Variants in NNT observed in about 807,000 individuals in gnomAD.
NNT encodes the protein nicotinamide nucleotide transhydrogenase.
A neutral mutation model predicts 104.8 loss-of-function variants in NNT; 50 were observed. That is an observed-to-expected ratio of 0.48 (90% CI 0.38 to 0.60). The LOEUF (loss-of-function observed/expected upper bound fraction) is 0.60. NNT is among the 20% of genes least tolerant of loss of function. NNT has a pLI of 0.00. For missense variants in NNT, 1,131 were observed against 1,330.7 expected, an observed-to-expected ratio of 0.85 and a Z score of 2.33; for synonymous variants, 461 against 490.4, an observed-to-expected ratio of 0.94 and a Z score of 0.79.
At chr5:43,688,833 G>A (rs1028631731) in intron 19 of NNT, among the ~76,000 whole-genome samples, 25 of 152,070 alleles carry the variant, frequency 1.6e-4, no homozygotes, top group East Asian at 3.9e-4. Flanking sequence ...TTTTGCAATC[G>A]CAAATTGTGC....
chr5:43,631,470 G>A (rs1750673517), intron 7 of NNT, among the ~76,000 whole-genome samples: 1 of 152,162 alleles, frequency 6.6e-6, no homozygotes, highest in East Asian at 1.9e-4. Context: ...AGGCAGCTGC[G>A]CATTAGCGGG....
chr5:43,638,059 T>A (rs1255436051), intron 7 of NNT, among the ~76,000 whole-genome samples: 4 of 152,196 alleles, frequency 2.6e-5, no homozygotes, highest in Non-Finnish European at 5.9e-5. Context: ...CCTGTTCTCG[T>A]GATAGCGAGC....
rs1739859001 is a variant in NNT, at chr5:43,653,209, C to T, written c.2055C>T (p.Thr685=). 1.9e-6 allele frequency: 3 copies of T among 1,612,292 alleles called. No individual in the cohort carries two copies. The highest frequency in any genetic ancestry group is 2.5e-6 in the Non-Finnish European group (3 of 1,178,748). ...CTGGAGCGATGGCTTTGGGTGGTAC[C>T]ATTGGTAAGCACTTGTGGGCTTCTG... is the stretch of plus-strand genomic sequence containing the variant. ...QMSGAMALGG[T]IGLTIAKRIQ... Residue 685 remains threonine (T), a synonymous_variant, in exon 14 of 22, where the codon ACC becomes ACT. Coordinates refer to ENST00000344920, the MANE Select transcript of NNT (RefSeq NM_182977.3).
At chr5:43,663,368 C>T (rs986950521) in intron 17 of NNT, among the ~76,000 whole-genome samples, 2 of 152,142 alleles carry the variant, frequency 1.3e-5, no homozygotes, top group Non-Finnish European at 2.9e-5. Flanking sequence ...AAAGCTCTTA[C>T]TTGTGATGTG....
intron 21 of NNT, among the ~76,000 whole-genome samples, chr5:43,703,251 T>C (rs1290890956): frequency 3.9e-5 from 6 of 152,202 alleles, no homozygotes; most frequent in Non-Finnish European, 8.8e-5. Context: ...AAAAGCTAAT[T>C]GCTAGATTTT....
chr5:43,606,714 A>G (rs1749242739), intron 1 of NNT, among the ~76,000 whole-genome samples: 2 of 151,944 alleles, frequency 1.3e-5, no homozygotes, highest in African/African-American at 4.8e-5. Context: ...TCATTCTTTG[A>G]TCCTTCAAAG....
intron 7 of NNT, among the ~76,000 whole-genome samples, chr5:43,641,714 A>T (rs950289613): frequency 6.6e-6 from 1 of 152,174 alleles, no homozygotes; most frequent in African/African-American, 2.4e-5. Context: ...TAAAATTTTA[A>T]ACTTGTTATA....
intron 17 of NNT, among the ~76,000 whole-genome samples, chr5:43,659,801 T>C (rs923106508): frequency 3.3e-5 from 5 of 152,150 alleles, no homozygotes; most frequent in Non-Finnish European, 7.4e-5. Context: ...TTTGCATAAA[T>C]TTCCAAGACT....
chr5:43,602,753 G>A (rs1262613950), upstream of NNT: 3 of 152,304 alleles, frequency 2.0e-5, no homozygotes, highest in Non-Finnish European at 2.9e-5. Flanking sequence ...AGGAAAGGCA[G>A]GTACCCGGAG....
intron 21 of NNT, among the ~76,000 whole-genome samples, chr5:43,703,985 AAAT>A (rs1238929566): frequency 1.3e-5 from 2 of 152,198 alleles, no homozygotes; most frequent in Non-Finnish European, 2.9e-5. Flanking sequence ...ACTAAGAAGA[AAAT>A]AATTGTAATC....
At chr5:43,692,233 C>G (rs956073913) in intron 19 of NNT, among the ~76,000 whole-genome samples, 6 of 152,028 alleles carry the variant, frequency 3.9e-5, no homozygotes, top group African/African-American at 1.2e-4. Flanking sequence ...AGTAAGGGAA[C>G]AGGGGCAAAC....
chr5:43,625,874 T>A (rs1438618015), intron 6 of NNT, among the ~76,000 whole-genome samples: 4 of 151,242 alleles, frequency 2.6e-5, no homozygotes, highest in Admixed American at 2.0e-4. Flanking sequence ...AGATTTTTTT[T>A]ATGTGTTTCC....
intron 17 of NNT, among the ~76,000 whole-genome samples, chr5:43,660,982 T>A (rs910039377): frequency 1.3e-5 from 2 of 152,230 alleles, no homozygotes; most frequent in South Asian, 2.1e-4. Context: ...AACTCAGGAT[T>A]TTTCTTATGA....
chr5:43,631,022 G>A (rs1307214166), intron 7 of NNT, among the ~76,000 whole-genome samples: 1 of 152,122 alleles, frequency 6.6e-6, no homozygotes, highest in African/African-American at 2.4e-5. Context: ...GAATTGATTG[G>A]CATCAGATCT....
At chr5:43,625,970 C>T (rs967185010) in intron 6 of NNT, among the ~76,000 whole-genome samples, 1 of 152,004 alleles carries the variant, frequency 6.6e-6, no homozygotes, top group African/African-American at 2.4e-5. Flanking sequence ...TCTTTCCTTA[C>T]CTATAAATAT....
Position 43,650,566 on chromosome 5 carries a change from A to G in NNT, c.1696A>G (p.Ile566Val). 2 of 1,613,812 alleles carry G rather than the reference A, an allele frequency of 1.2e-6. No individual in the cohort carries two copies. Among genetic ancestry groups the G allele is most frequent in the Non-Finnish European group, 1.7e-6 (2 of 1,179,698 alleles). ...SQGLAALAAF[I>V]SSVNIAGGFL... ...GGGCCTTGCTGCTCTTGCTGCATTC[A>G]TATCCTCTGTCAACATTGCAGGTAT... Residue 566 changes from isoleucine to valine, a missense_variant, in exon 12 of 22, where the codon ATA becomes GTA. By Grantham distance (29) the Ile-to-Val change is conservative. Transcript: ENST00000344920.
chr5:43,697,170 G>C (rs1481972329), intron 19 of NNT, among the ~76,000 whole-genome samples: 1 of 152,124 alleles, frequency 6.6e-6, no homozygotes, highest in Non-Finnish European at 1.5e-5. Flanking sequence ...ACCCACGTCA[G>C]CTCTTGAATG....
chr5:43,654,150 T>C (rs565244396), intron 14 of NNT, among the ~76,000 whole-genome samples: 1 of 152,256 alleles, frequency 6.6e-6, no homozygotes, highest in Admixed American at 6.5e-5. Flanking sequence ...ATTGTATGTG[T>C]ATAGAAGAAA....
Position 43,705,841 on chromosome 5 carries a change from A to AATG in NNT, c.*1438_*1440dup, listed in dbSNP as rs902518088. 9 of 151,774 alleles carry AATG rather than the reference A, an allele frequency of 5.9e-5. No individual in the cohort carries two copies. The highest frequency in any genetic ancestry group is 1.2e-4 in the Non-Finnish European group (8 of 67,890). 9.4% of individuals were successfully genotyped at this position (151,774 alleles called of 1,614,324 possible). On this transcript the variant is annotated 3_prime_UTR_variant, in exon 22 of 22. Coordinates refer to ENST00000344920, the MANE Select transcript of NNT (RefSeq NM_182977.3). The stretch of plus-strand genomic sequence containing the variant: ...ACTTTTTTAAAAGTTTTAAGTGATA[A>AATG]ATGCAATTTGTTAATTGATCTTAGA...
Sources: allele counts gnomAD v4.1 joint callset (sites outside exome capture counted in the v4.1 genomes callset), GRCh38; gene constraint gnomAD v4.1.1; transcripts MANE v1.5; gene names NCBI Gene and HGNC (gene_info 2026-07-23, HGNC 2026-07-21).